FAR2: variants seen among roughly 807,000 people sequenced by gnomAD.
FAR2 encodes fatty acyl-CoA reductase 2, also known as epididymis secretory protein Li 81.
Under a neutral mutation model 56.0 loss-of-function variants are expected in FAR2, and 19 were observed. That is an observed-to-expected ratio of 0.34 (90% confidence interval 0.24 to 0.50). The LOEUF is 0.50. Among genes scored for constraint, FAR2 ranks in the 20% least tolerant of loss-of-function variants. FAR2 has a pLI of 0.98. For missense variants in FAR2, 508 were observed against 642.2 expected (o/e 0.79, Z 2.26); for synonymous variants, 219 against 218.8 (o/e 1.00, Z -0.01).
intron 5 of FAR2, among the ~76,000 whole-genome samples, chr12:29,308,491 ATCT>A (rs1949290227): frequency 6.6e-6 from 1 of 151,912 alleles, no homozygotes; most frequent in Non-Finnish European, 1.5e-5. Flanking sequence ...TAATCCCTTC[ATCT>A]TCTCCTCTCT....
chr12:29,332,596 T>C lies in FAR2; in HGVS notation c.1258-4T>C. 1 of 1,613,624 alleles carries C rather than the reference T, an allele frequency of 6.2e-7. No homozygotes were observed. The highest frequency in any genetic ancestry group is 8.5e-7 in the Non-Finnish European group (1 of 1,179,654). On this transcript the variant is annotated splice_polypyrimidine_tract_variant and splice_region_variant and intron_variant, in intron 10 of 11. Coordinates refer to ENST00000536681, the MANE Select transcript of FAR2 (RefSeq NM_001271783.2). Reference sequence around the variant, plus strand: ...GGCAATCTATAATCTCTCTTGCCTCTCAGGTATTCAACTTTGACGTGCGCC... The same window carrying C: ...GGCAATCTATAATCTCTCTTGCCTCCCAGGTATTCAACTTTGACGTGCGCC...
At chr12:29,256,540 C>T (rs987065950) in intron 1 of FAR2, among the ~76,000 whole-genome samples, 4 of 152,242 alleles carry the variant, frequency 2.6e-5, no homozygotes, top group Admixed American at 6.5e-5. Context: ...CCCACTTTGG[C>T]GGCACTTGAG....
chr12:29,237,164 G>A (rs2136659267), intron 1 of FAR2, among the ~76,000 whole-genome samples: 1 of 152,238 alleles, frequency 6.6e-6, no homozygotes, highest in Admixed American at 6.5e-5. Context: ...TAAGTGCAAA[G>A]TGATTGGAAT....
chr12:29,217,295 A>G (rs1947633644), intron 1 of FAR2, among the ~76,000 whole-genome samples: 1 of 152,134 alleles, frequency 6.6e-6, no homozygotes, highest in Non-Finnish European at 1.5e-5. Flanking sequence ...CTGGCTTGAG[A>G]CCTTTCTGAA....
At position 29,270,546 on chromosome 12, in the gene FAR2, A is replaced by C. The variant is rs763524376; in HGVS notation, c.97A>C (p.Thr33Pro). The change falls in exon 2 of 12, where the codon ACC becomes CCC. Residue 33 changes from threonine to proline, a missense_variant. By Grantham distance (38) the Thr-to-Pro change is conservative. Coordinates refer to ENST00000536681, the MANE Select transcript of FAR2 (RefSeq NM_001271783.2). ...GKVLMEKLFR[T>P]SPDLKVIYIL... ...AGTGCTGATGGAGAAGCTGTTTCGC[A>C]CCAGCCCAGACCTGAAAGTCATTTA... The C allele has an allele frequency of 1.2e-6, 2 of 1,613,958 alleles. No homozygotes were observed. The highest frequency in any genetic ancestry group is 1.7e-6 in the Non-Finnish European group (2 of 1,179,976).
In FAR2 at chr12:29,299,507, C is replaced by G. The variant is rs539531869; in HGVS notation, c.545+2307C>G. Among the ~76,000 whole-genome samples, 44 of 152,252 alleles carry G rather than the reference C, an allele frequency of 2.9e-4. No homozygotes were observed. The East Asian group carries it at 8.1e-3, about 28-fold the overall frequency. On this transcript the variant is annotated intron_variant, in intron 4 of 11. Transcript: ENST00000536681. ...ACTGACATTTGTACAAAATTTTTAA[C>G]CTCCATCTGTCATTTACTGCTCTCC... is the stretch of plus-strand genomic sequence containing the variant.
At chr12:29,201,218 G>A (rs1947407389) in intron 1 of FAR2, among the ~76,000 whole-genome samples, 1 of 152,148 alleles carries the variant, frequency 6.6e-6, no homozygotes, top group East Asian at 1.9e-4. Context: ...TTTCACAGAT[G>A]CTGCCATTAT....
At chr12:29,261,880 G>A (rs1948424715) in intron 1 of FAR2, among the ~76,000 whole-genome samples, 1 of 152,194 alleles carries the variant, frequency 6.6e-6, no homozygotes, top group African/African-American at 2.4e-5. Context: ...AAAGCTGAGG[G>A]ATTTCATCAA....
rs369122680 is a variant in FAR2 at position 29,155,798 on chromosome 12, C to T, written c.-39+6391C>T. Reference sequence around the variant, plus strand: ...GACCTTTAAATCCTAATATATTTACCTTGTGGTCCTTTACAGAAAATGTTT... The same window carrying T: ...GACCTTTAAATCCTAATATATTTACTTTGTGGTCCTTTACAGAAAATGTTT... On this transcript the variant is annotated intron_variant, in intron 1 of 11. Transcript: ENST00000536681. Among the ~76,000 whole-genome samples, 262 of 152,242 alleles carry T rather than the reference C, an allele frequency of 1.7e-3. 2 individuals carry two copies. The highest frequency in any genetic ancestry group is 6.2e-3 in the African/African-American group (256 of 41,526).
At chr12:29,275,132 C>G (rs952184268) in intron 2 of FAR2, among the ~76,000 whole-genome samples, 2 of 150,882 alleles carry the variant, frequency 1.3e-5, no homozygotes, top group Non-Finnish European at 2.9e-5. Flanking sequence ...TTTTAATCAT[C>G]TGGGTGCAGG....
intron 8 of FAR2, among the ~76,000 whole-genome samples, chr12:29,313,246 G>C (rs1360313195): frequency 6.6e-6 from 1 of 152,070 alleles, no homozygotes. Flanking sequence ...TGGGATATCA[G>C]AATCTCTTAT....
intron 8 of FAR2, among the ~76,000 whole-genome samples, chr12:29,313,715 ATTTT>A (rs1015460037): frequency 4.6e-5 from 7 of 152,010 alleles, no homozygotes; most frequent in Non-Finnish European, 8.8e-5. Context: ...CATTACATCA[ATTTT>A]TTTGTCCTAA....
At chr12:29,308,097 T>A (rs1162623287) in intron 5 of FAR2, 1 of 309,518 alleles carries the variant, frequency 3.2e-6, no homozygotes, top group East Asian at 6.5e-5. Context: ...AGTCTCAAAA[T>A]TCACATGGGT....
intron 1 of FAR2, among the ~76,000 whole-genome samples, chr12:29,179,633 G>T (rs1476930987): frequency 6.6e-6 from 1 of 152,108 alleles, no homozygotes; most frequent in Non-Finnish European, 1.5e-5. Flanking sequence ...ACCTTGTCAG[G>T]CAGTCCATGG....
At chr12:29,324,265 C>T (rs866139181) in intron 10 of FAR2, among the ~76,000 whole-genome samples, 1 of 152,078 alleles carries the variant, frequency 6.6e-6, no homozygotes, top group South Asian at 2.1e-4. Flanking sequence ...ACCAAATCTA[C>T]GTCTGATTGG....
At position 29,170,258 on chromosome 12, in the gene FAR2, G is replaced by A. The variant is rs1044596944; in HGVS notation, c.-39+20851G>A. 1.1e-4 allele frequency among the ~76,000 whole-genome samples: 16 copies of A among 152,228 alleles called. 1 individual carries two copies. Among genetic ancestry groups the A allele is most frequent in the Admixed American group, 9.8e-4 (15 of 15,282 alleles). On this transcript the variant is annotated intron_variant, in intron 1 of 11. Coordinates refer to ENST00000536681, the MANE Select transcript of FAR2 (RefSeq NM_001271783.2). ...TCTTTTTCCCTTAATCGCCTGGGAGGAAACATCTATCTCCTGTCCTGAAGG... is the reference window on the plus strand; with the variant it reads ...TCTTTTTCCCTTAATCGCCTGGGAGAAAACATCTATCTCCTGTCCTGAAGG...
At chr12:29,168,127 C>T (rs575801483) in intron 1 of FAR2, among the ~76,000 whole-genome samples, 19 of 152,214 alleles carry the variant, frequency 1.2e-4, no homozygotes, top group Admixed American at 4.6e-4. Flanking sequence ...AACACAGATG[C>T]CAGGGAAGTC....
chr12:29,332,528 GA>G, intron 10 of FAR2, 71 bp from the exon 11 acceptor site: 1 of 1,595,886 alleles, frequency 6.3e-7, no homozygotes, highest in Non-Finnish European at 8.5e-7. Context: ...CTATGTAGAA[GA>G]AACCTCAAGT....
intron 1 of FAR2, among the ~76,000 whole-genome samples, chr12:29,252,302 C>T (rs974827145): frequency 6.6e-6 from 1 of 152,058 alleles, no homozygotes; most frequent in Non-Finnish European, 1.5e-5. Context: ...CTATTATGGG[C>T]CAGACCTTTC....
Sources: allele counts gnomAD v4.1 joint callset (sites outside exome capture counted in the v4.1 genomes callset), GRCh38; gene constraint gnomAD v4.1.1; transcripts MANE v1.5; gene names NCBI Gene and HGNC (gene_info 2026-07-23, HGNC 2026-07-21).